Variants in CEP128 observed in about 807,000 individuals in gnomAD.
CEP128 encodes centrosomal protein 128, also known as centrosomal protein 128kDa.
A neutral mutation model predicts 156.7 loss-of-function variants in CEP128; 132 were observed. That is an observed-to-expected ratio of 0.84 (90% CI 0.73 to 0.97). The LOEUF (loss-of-function observed/expected upper bound fraction) is 0.97. Among genes scored for constraint, CEP128 ranks in the 50% least tolerant of loss-of-function variants. CEP128 has a pLI of 0.00. For missense variants in CEP128, 1,252 were observed against 1,281.9 expected (o/e 0.98, Z 0.36); for synonymous variants, 469 against 448.9 (o/e 1.04, Z -0.57).
chr14:80,561,899 T>C (rs912657561), intron 20 of CEP128, among the ~76,000 whole-genome samples: 11 of 148,638 alleles, frequency 7.4e-5, no homozygotes, highest in African/African-American at 2.5e-4. Context: ...CGAAGGTCTA[T>C]ATATATATAT....
chr14:80,940,289 C>T (rs2139631772), intron 1 of CEP128, among the ~76,000 whole-genome samples: 1 of 152,322 alleles, frequency 6.6e-6, no homozygotes, highest in African/African-American at 2.4e-5. Context: ...ACAGTGCACA[C>T]TTCACTCTTC....
At chr14:80,623,648 A>G (rs904986218) in intron 19 of CEP128, among the ~76,000 whole-genome samples, 1 of 152,020 alleles carries the variant, frequency 6.6e-6, no homozygotes, top group African/African-American at 2.4e-5. Context: ...TCCAATTACT[A>G]TTCCTTTGAA....
intron 17 of CEP128, among the ~76,000 whole-genome samples, chr14:80,759,608 A>G (rs1271542829): frequency 1.3e-5 from 2 of 152,172 alleles, no homozygotes; most frequent in South Asian, 2.1e-4. Flanking sequence ...AATGAAAAAA[A>G]TGTAGACTCT....
At chr14:80,725,013 A>C (rs962902651) in intron 19 of CEP128, among the ~76,000 whole-genome samples, 1 of 145,358 alleles carries the variant, frequency 6.9e-6, no homozygotes, top group African/African-American at 2.6e-5. Context: ...ATATATATAC[A>C]TATATGATAT....
At chr14:80,745,498 A>T (rs1899053579) in intron 18 of CEP128, among the ~76,000 whole-genome samples, 2 of 152,224 alleles carry the variant, frequency 1.3e-5, no homozygotes, top group South Asian at 4.1e-4. Flanking sequence ...ATTAGGGACA[A>T]ACATCATATG....
At chr14:80,882,309 A>G (rs1888592128) in intron 8 of CEP128, among the ~76,000 whole-genome samples, 1 of 152,188 alleles carries the variant, frequency 6.6e-6, no homozygotes, top group Non-Finnish European at 1.5e-5. Context: ...AATGGCAAGC[A>G]GGCATACAAA....
chr14:80,530,482 A>G (rs1028843638), intron 22 of CEP128, among the ~76,000 whole-genome samples: 4 of 152,232 alleles, frequency 2.6e-5, no homozygotes, highest in Non-Finnish European at 4.4e-5. Flanking sequence ...ATTGCTAACC[A>G]AAAAAGTTAT....
At position 80,785,115 on chromosome 14, in the gene CEP128, T is replaced by TA; in HGVS notation, c.1990_1991insT (p.Asp664ValfsTer4). On this transcript the variant is annotated frameshift_variant, in exon 15 of 25. Transcript: ENST00000555265. LOFTEE classifies it high-confidence loss of function. The stretch of plus-strand genomic sequence containing the variant: ...TGCCTGTGCAGTGAGGTCAGAAAGG[T>TA]CCTTAAGCACTGCTTTCTTGGCTCT... 1 of 1,614,156 alleles carries TA rather than the reference T, an allele frequency of 6.2e-7. No homozygotes were observed. Among genetic ancestry groups the TA allele is most frequent in the Non-Finnish European group, 8.5e-7 (1 of 1,179,980 alleles).
intron 18 of CEP128, among the ~76,000 whole-genome samples, chr14:80,751,315 T>C (rs762723971): frequency 1.3e-5 from 2 of 152,224 alleles, no homozygotes; most frequent in Non-Finnish European, 2.9e-5. Flanking sequence ...GAATATATTA[T>C]TAATCCTACA....
At chr14:80,527,746 A>T (rs1227042298) in intron 22 of CEP128, among the ~76,000 whole-genome samples, 1 of 152,168 alleles carries the variant, frequency 6.6e-6, no homozygotes, top group East Asian at 1.9e-4. Flanking sequence ...CATAAACAAC[A>T]TCCCACCTTT....
At chr14:80,784,447 T>C (rs1017741828) in intron 15 of CEP128, among the ~76,000 whole-genome samples, 2 of 152,182 alleles carry the variant, frequency 1.3e-5, no homozygotes, top group Admixed American at 1.3e-4. Context: ...AACTTTGATT[T>C]GGAAAAGAAG....
chr14:80,586,664 G>A (rs2044772), intron 19 of CEP128, among the ~76,000 whole-genome samples: 63,329 of 151,998 alleles, frequency 0.42, 13,479 homozygotes, highest in East Asian at 0.52. Flanking sequence ...AACTGTCCAC[G>A]TTAAAATTCC....
intron 19 of CEP128, among the ~76,000 whole-genome samples, chr14:80,681,707 C>T (rs542188594): frequency 4.6e-5 from 7 of 152,322 alleles, no homozygotes; most frequent in Admixed American, 3.9e-4. Flanking sequence ...TTGCCTTCCG[C>T]CGTGATTGTA....
At chr14:80,531,327 G>C (rs968044291) in intron 21 of CEP128, among the ~76,000 whole-genome samples, 1 of 152,134 alleles carries the variant, frequency 6.6e-6, no homozygotes, top group Non-Finnish European at 1.5e-5. Context: ...AAGAAGAAAA[G>C]AGTTCTCAGC....
chr14:80,649,686 A>G (rs1894812625), intron 19 of CEP128, among the ~76,000 whole-genome samples: 1 of 152,096 alleles, frequency 6.6e-6, no homozygotes. Context: ...ATATTTTATT[A>G]ACAGTTGGAA....
intron 23 of CEP128, among the ~76,000 whole-genome samples, chr14:80,515,632 A>C (rs763532307): frequency 1.3e-5 from 2 of 152,186 alleles, no homozygotes; most frequent in Non-Finnish European, 2.9e-5. Flanking sequence ...TACCTGGTCT[A>C]GGACTGGTCC....
intron 19 of CEP128, among the ~76,000 whole-genome samples, chr14:80,596,053 GAA>G (rs55831009): frequency 0.018 from 1,971 of 109,044 alleles, 22 homozygotes; most frequent in Middle Eastern, 0.04. Flanking sequence ...TATCAGCAGG[GAA>G]AAAAAAAAAA....
chr14:80,571,729 T>G (rs1198611194), intron 20 of CEP128, among the ~76,000 whole-genome samples: 1 of 151,430 alleles, frequency 6.6e-6, no homozygotes, highest in African/African-American at 2.4e-5. Flanking sequence ...GGTTGAAAAC[T>G]GAAATTGACG....
At chr14:80,543,346 G>A (rs1483659211) in intron 21 of CEP128, among the ~76,000 whole-genome samples, 1 of 152,182 alleles carries the variant, frequency 6.6e-6, no homozygotes, top group East Asian at 1.9e-4. Flanking sequence ...CTGTCTCAAA[G>A]AATCCTCACT....
Sources: allele counts gnomAD v4.1 joint callset (sites outside exome capture counted in the v4.1 genomes callset), GRCh38; gene constraint gnomAD v4.1.1; transcripts MANE v1.5; gene names NCBI Gene and HGNC (gene_info 2026-07-23, HGNC 2026-07-21).